MCTP1: variants seen among roughly 807,000 people sequenced by gnomAD.
MCTP1 encodes multiple C2 and transmembrane domain containing 1, also known as multiple C2 and transmembrane domain-containing protein 1.
Under a neutral mutation model 120.6 loss-of-function variants are expected in MCTP1, and 69 were observed. That is an observed-to-expected ratio of 0.57 (90% CI 0.47 to 0.70). MCTP1 has a LOEUF of 0.70. Ranked by LOEUF, MCTP1 falls within the 30% of genes least tolerant of loss-of-function variation. MCTP1 has a pLI of 0.00. For missense variants in MCTP1, 1,203 were observed against 1,248.8 expected (o/e 0.96, Z 0.55); for synonymous variants, 529 against 493.1 (o/e 1.07, Z -0.96).
chr5:94,842,180 TGAGA>T (rs1162122445), intron 17 of MCTP1, among the ~76,000 whole-genome samples: 1 of 152,130 alleles, frequency 6.6e-6, no homozygotes, highest in African/African-American at 2.4e-5. Flanking sequence ...TGTGTAAATG[TGAGA>T]GGAAAGAAGA....
In MCTP1 at chr5:94,707,188, A is replaced by AGTATTTAATCCACTT. The variant is rs1754836547; in HGVS notation, c.*307_*308insAAGTGGATTAAATAC. 4.5e-6 allele frequency: 1 copy of AGTATTTAATCCACTT among 221,656 alleles called. No individual in the cohort carries two copies. The highest frequency in any genetic ancestry group is 5.5e-5 in the Admixed American group (1 of 18,066). 13.7% of individuals were successfully genotyped at this position (221,656 alleles called of 1,614,324 possible). On this transcript the variant is annotated 3_prime_UTR_variant, in exon 23 of 23. Coordinates refer to ENST00000515393, the MANE Select transcript of MCTP1 (RefSeq NM_024717.7). ...AGCACAGGTGAGTATTTAATCCACT[A>AGTATTTAATCCACTT]GTAATTAGATAAGAATATATCTTCC...
chr5:94,941,871 A>G (rs1341155539), intron 4 of MCTP1, among the ~76,000 whole-genome samples: 1 of 152,082 alleles, frequency 6.6e-6, no homozygotes, highest in East Asian at 1.9e-4. Flanking sequence ...CCTTAGGAGC[A>G]TTCCTTGGTA....
chr5:95,050,493 C>T (rs1056174511), intron 1 of MCTP1, among the ~76,000 whole-genome samples: 2 of 152,172 alleles, frequency 1.3e-5, no homozygotes, highest in Non-Finnish European at 2.9e-5. Context: ...CAGTCACATT[C>T]AGATGTTTCA....
At position 95,116,584 on chromosome 5, in the gene MCTP1, T is replaced by C. The variant is rs1000928599; in HGVS notation, c.721-99100A>G. ...TTAATTCTGTGAAGAATTCCAATGG[T>C]AGTTTAATGGGAATAGCATAAAATC... is the stretch of plus-strand genomic sequence containing the variant. On this transcript the variant is annotated intron_variant, in intron 1 of 22. Transcript: ENST00000515393. Among the ~76,000 whole-genome samples, 5 of 152,096 alleles carry C rather than the reference T, an allele frequency of 3.3e-5. No homozygotes were observed. In the South Asian group the frequency reaches 1.0e-3, roughly 32 times the overall value.
intron 1 of MCTP1, among the ~76,000 whole-genome samples, chr5:95,233,587 C>A (rs1755206199): frequency 6.6e-6 from 1 of 152,144 alleles, no homozygotes; most frequent in Non-Finnish European, 1.5e-5. Context: ...CCTCGGCCTC[C>A]CAAAGTGCTG....
At chr5:94,766,171 C>T (rs1056950863) in intron 19 of MCTP1, among the ~76,000 whole-genome samples, 6 of 151,744 alleles carry the variant, frequency 4.0e-5, no homozygotes, top group African/African-American at 1.5e-4. Context: ...AGCTTGAACT[C>T]GGGAGGTGGA....
At chr5:94,717,749 A>G (rs1265129192) in intron 19 of MCTP1, among the ~76,000 whole-genome samples, 1 of 152,202 alleles carries the variant, frequency 6.6e-6, no homozygotes, top group Non-Finnish European at 1.5e-5. Flanking sequence ...GAGCCAAATC[A>G]TGAATGAACT....
At chr5:95,022,627 T>C (rs1838414191) in intron 1 of MCTP1, among the ~76,000 whole-genome samples, 1 of 152,148 alleles carries the variant, frequency 6.6e-6, no homozygotes, top group South Asian at 2.1e-4. Context: ...GAAACATCAA[T>C]GGGAATCTAA....
intron 1 of MCTP1, among the ~76,000 whole-genome samples, chr5:95,256,180 G>C (rs1319516737): frequency 6.6e-6 from 1 of 152,106 alleles, no homozygotes; most frequent in African/African-American, 2.4e-5. Flanking sequence ...AAGAATGAGA[G>C]CAAAGGAGCA....
chr5:94,823,064 T>G (rs1043909640), intron 17 of MCTP1, among the ~76,000 whole-genome samples: 1 of 152,226 alleles, frequency 6.6e-6, no homozygotes, highest in Non-Finnish European at 1.5e-5. Flanking sequence ...TAGATTCCAT[T>G]TGTCAATTTT....
chr5:94,953,898 T>C (rs1185372466), intron 2 of MCTP1, among the ~76,000 whole-genome samples: 1 of 73,516 alleles, frequency 1.4e-5, no homozygotes, highest in East Asian at 2.4e-4. Context: ...TATACAAATA[T>C]ATATATGCAT....
Position 95,284,081 on chromosome 5 carries a change from G to A in MCTP1, c.495C>T (p.Ser165=), listed in dbSNP as rs1256946864. Residue 165 remains serine (S), a synonymous_variant, in exon 1 of 23, where the codon TCC becomes TCT. Coordinates refer to ENST00000515393, the MANE Select transcript of MCTP1 (RefSeq NM_024717.7). The surrounding 1 kb of genome is among the most constrained non-coding windows in gnomAD (Gnocchi z 5.2). The part of the protein sequence containing the change: ...SAPSSSSASS[S]LSSSPQPPPR... ...GGGGAGGCTGGGGCGAGGAGGACAG[G>A]GAGGATGAGGCGGAGGAAGAGGAAG... is the stretch of plus-strand genomic sequence containing the variant. 3.2e-6 allele frequency: 5 copies of A among 1,550,202 alleles called. No individual in the cohort carries two copies. Among genetic ancestry groups the A allele is most frequent in the East Asian group, 2.4e-5 (1 of 41,186 alleles).
At chr5:94,754,084 G>T (rs1769163890) in intron 19 of MCTP1, among the ~76,000 whole-genome samples, 1 of 152,086 alleles carries the variant, frequency 6.6e-6, no homozygotes, top group African/African-American at 2.4e-5. Flanking sequence ...TTAAAAACGG[G>T]TCTTAATTAC....
At chr5:95,152,334 C>G (rs1050723702) in intron 1 of MCTP1, among the ~76,000 whole-genome samples, 1 of 152,170 alleles carries the variant, frequency 6.6e-6, no homozygotes, top group South Asian at 2.1e-4. Context: ...GGGCAGGAAG[C>G]CTTAGGCACG....
At chr5:94,751,159 C>A (rs1013261541) in intron 19 of MCTP1, among the ~76,000 whole-genome samples, 2 of 152,076 alleles carry the variant, frequency 1.3e-5, no homozygotes, top group African/African-American at 2.4e-5. Flanking sequence ...ACTTTCCTGA[C>A]AGAGTGATAA....
intron 2 of MCTP1, among the ~76,000 whole-genome samples, chr5:94,956,049 G>A (rs1822529644): frequency 6.6e-6 from 1 of 152,198 alleles, no homozygotes; most frequent in Non-Finnish European, 1.5e-5. Context: ...GCCCCTCTGG[G>A]ATGAAGCTTC....
intron 19 of MCTP1, among the ~76,000 whole-genome samples, chr5:94,742,022 C>A (rs1343884760): frequency 6.6e-6 from 1 of 152,048 alleles, no homozygotes; most frequent in Non-Finnish European, 1.5e-5. Context: ...TACTTTATTT[C>A]TAGAGTGTTT....
At chr5:95,157,433 T>C (rs1448758845) in intron 1 of MCTP1, among the ~76,000 whole-genome samples, 1 of 152,196 alleles carries the variant, frequency 6.6e-6, no homozygotes, top group African/African-American at 2.4e-5. Flanking sequence ...AGATAAGATA[T>C]TGAAAGCTAG....
intron 19 of MCTP1, among the ~76,000 whole-genome samples, chr5:94,742,604 AAAG>A (rs1765774457): frequency 6.6e-6 from 1 of 152,186 alleles, no homozygotes; most frequent in African/African-American, 2.4e-5. Context: ...AACCAACACC[AAAG>A]AAGAATGCAT....
Sources: gnomAD v4.1 joint callset for allele counts (sites outside exome capture counted in the v4.1 genomes callset) on GRCh38, gnomAD v4.1.1 for gene constraint, Gnocchi (gnomAD v3.1) non-coding constraint, MANE v1.5 for transcripts, NCBI Gene and HGNC (gene_info 2026-07-23, HGNC 2026-07-21) for gene names.